Variants in MAF observed in about 807,000 individuals in gnomAD.
MAF encodes the protein transcription factor Maf.
MAF carries 10 observed loss-of-function variants against 22.0 expected under a neutral mutation model. The observed-to-expected ratio is 0.45, with a 90% CI of 0.28 to 0.77. MAF has a LOEUF of 0.77. Ranked by LOEUF, MAF falls within the 30% of genes least tolerant of loss-of-function variation. The probability of loss-of-function intolerance (pLI) is 0.12; values close to 1 mark genes in which losing one functional copy is unlikely to be tolerated. For synonymous variants in MAF, 337 were observed against 255.8 expected (o/e 1.32, Z -3.03); for missense variants, 544 against 548.4 (o/e 0.99, Z 0.08).
chr16:79,588,502 T>C (rs1425658403), intron 1 of MAF, among the ~76,000 whole-genome samples: 1 of 152,162 alleles, frequency 6.6e-6, no homozygotes, highest in Non-Finnish European at 1.5e-5. Flanking sequence ...TGGCGCAATC[T>C]GGGCTTACTG....
At chr16:79,220,921 G>A in the MAF span, among the ~76,000 whole-genome samples, 1 of 152,204 alleles carries the variant, frequency 6.6e-6, no homozygotes, top group Non-Finnish European at 1.5e-5. Context: ...ACCGGGAGAT[G>A]CCATTAAAGT....
chr16:79,427,379 G>C, the MAF span, among the ~76,000 whole-genome samples: 1 of 152,202 alleles, frequency 6.6e-6, no homozygotes, highest in Non-Finnish European at 1.5e-5. Context: ...TACATCAACA[G>C]GGCTTGAACA....
chr16:79,340,632 G>A, the MAF span, among the ~76,000 whole-genome samples: 48 of 151,940 alleles, frequency 3.2e-4, no homozygotes, highest in Non-Finnish European at 5.9e-4. Flanking sequence ...AACTTTATAT[G>A]CAAATCCACA....
the MAF span, among the ~76,000 whole-genome samples, chr16:79,570,305 C>T: frequency 1.6e-4 from 25 of 152,124 alleles, no homozygotes; most frequent in African/African-American, 5.8e-4. Flanking sequence ...GTTATCCCCC[C>T]ATCCCTCCTC....
At chr16:79,553,854 C>T in the MAF span, among the ~76,000 whole-genome samples, 8 of 152,140 alleles carry the variant, frequency 5.3e-5, no homozygotes, top group South Asian at 2.1e-4. Flanking sequence ...TTTGGGAGGC[C>T]GAGGCGGGTG....
chr16:79,273,682 C>A, the MAF span, among the ~76,000 whole-genome samples: 1 of 77,712 alleles, frequency 1.3e-5, no homozygotes, highest in Non-Finnish European at 3.3e-5. Flanking sequence ...TCACTCTGAC[C>A]TCTTCTGCCT....
chr16:79,547,674 A>G, the MAF span, among the ~76,000 whole-genome samples: 1 of 152,218 alleles, frequency 6.6e-6, no homozygotes, highest in Admixed American at 6.5e-5. Flanking sequence ...AAGATTCATT[A>G]GGTCTACCTT....
At chr16:79,402,433 G>A in the MAF span, among the ~76,000 whole-genome samples, 7 of 152,214 alleles carry the variant, frequency 4.6e-5, no homozygotes, top group Non-Finnish European at 1.0e-4. Context: ...CCCTTTCAGA[G>A]GCTACAAGCA....
chr16:79,270,900 G>GT, the MAF span, among the ~76,000 whole-genome samples: 767 of 144,278 alleles, frequency 5.3e-3, 8 homozygotes, highest in African/African-American at 0.014. Flanking sequence ...CATGGCCAGA[G>GT]TTTTTTTTTT....
At chr16:79,243,818 T>A in the MAF span, among the ~76,000 whole-genome samples, 6 of 151,968 alleles carry the variant, frequency 3.9e-5, no homozygotes, top group African/African-American at 1.4e-4. Context: ...AAATCCTCAA[T>A]AAAATACTGG....
At chr16:79,422,808 T>C in the MAF span, among the ~76,000 whole-genome samples, 2 of 152,158 alleles carry the variant, frequency 1.3e-5, no homozygotes, top group Non-Finnish European at 2.9e-5. Flanking sequence ...TTAAAAATAA[T>C]GCAATTACTT....
chr16:79,362,830 T>C, the MAF span, among the ~76,000 whole-genome samples: 1 of 152,254 alleles, frequency 6.6e-6, no homozygotes, highest in South Asian at 2.1e-4. Flanking sequence ...GCAAGTGCTT[T>C]GCTCTTACAA....
the MAF span, among the ~76,000 whole-genome samples, chr16:79,269,222 T>C: frequency 1.6e-4 from 24 of 152,166 alleles, no homozygotes; most frequent in Non-Finnish European, 2.6e-4. Context: ...GGATGTGATG[T>C]AGGGGCTGTT....
At chr16:79,402,594 G>A in the MAF span, among the ~76,000 whole-genome samples, 1 of 152,236 alleles carries the variant, frequency 6.6e-6, no homozygotes, top group South Asian at 2.1e-4. Flanking sequence ...GCAGGCTGAG[G>A]CCAGAGGAAG....
the MAF span, chr16:79,211,649 A>C: frequency 6.2e-7 from 1 of 1,614,192 alleles, no homozygotes; most frequent in Non-Finnish European, 8.5e-7. Context: ...CTGCTGTCCC[A>C]GAACTGGAGG....
chr16:79,343,614 A>G, the MAF span, among the ~76,000 whole-genome samples: 4 of 152,218 alleles, frequency 2.6e-5, no homozygotes, highest in Admixed American at 6.5e-5. Context: ...AGACATGCCT[A>G]AAGTGATTGT....
chr16:79,263,686 G>C, the MAF span, among the ~76,000 whole-genome samples: 2 of 152,174 alleles, frequency 1.3e-5, no homozygotes, highest in East Asian at 1.9e-4. Flanking sequence ...CATGTGGAGT[G>C]GGGGAGGAGG....
chr16:79,208,654 A>T, the MAF span, among the ~76,000 whole-genome samples: 3 of 145,918 alleles, frequency 2.1e-5, no homozygotes, highest in Non-Finnish European at 4.7e-5. Flanking sequence ...TCAGTTTAAG[A>T]ATGCTTTCTC....
chr16:79,523,998 C>G, the MAF span, among the ~76,000 whole-genome samples: 4 of 152,290 alleles, frequency 2.6e-5, no homozygotes, highest in East Asian at 7.7e-4. Flanking sequence ...TTACCCCAAG[C>G]CATCCAGTAT....
Sources: allele counts gnomAD v4.1 joint callset (sites outside exome capture counted in the v4.1 genomes callset), GRCh38; gene constraint gnomAD v4.1.1; transcripts MANE v1.5; gene names NCBI Gene and HGNC (gene_info 2026-07-23, HGNC 2026-07-21).